PLCL2: variants seen among roughly 807,000 people sequenced by gnomAD.
The protein encoded by PLCL2 is inactive phospholipase C-like protein 2.
PLCL2 carries 4 observed loss-of-function variants against 79.6 expected under a neutral mutation model. The ratio of observed to expected loss-of-function variants is 0.05; its 90% CI spans 0.02 to 0.11. The LOEUF (loss-of-function observed/expected upper bound fraction) is 0.11. Ranked by LOEUF, PLCL2 falls within the 10% of genes least tolerant of loss-of-function variation. The pLI is 1.00. For missense variants in PLCL2, 895 were observed against 1,291.0 expected (o/e 0.69, Z 4.70); for synonymous variants, 484 against 457.7 (o/e 1.06, Z -0.73).
chr3:17,082,185 C>T lies in PLCL2; in HGVS notation c.3205-7548C>T, dbSNP rs180974311. On this transcript the variant is annotated intron_variant, in intron 5 of 5. Transcript: ENST00000615277. ...TGAGACAGAGTTTTGTTCTTGTTGC[C>T]CCGGCTGGAGTGCAATGGTGTGGTC... 5.3e-4 allele frequency among the ~76,000 whole-genome samples: 66 copies of T among 125,412 alleles called. 1 individual carries two copies. The highest frequency in any genetic ancestry group is 2.0e-3 in the Admixed American group (23 of 11,724). The allele number at this position is 125,412 out of a possible 152,430, so 82.3% of individuals were successfully genotyped here.
At chr3:16,930,642 A>C (rs1038449396) in intron 1 of PLCL2, among the ~76,000 whole-genome samples, 1 of 152,190 alleles carries the variant, frequency 6.6e-6, no homozygotes, top group Non-Finnish European at 1.5e-5. Flanking sequence ...AGTAGTAAAC[A>C]AGTGATACTT....
intron 1 of PLCL2, among the ~76,000 whole-genome samples, chr3:16,943,372 G>A (rs2063569766): frequency 6.6e-6 from 1 of 152,196 alleles, no homozygotes; most frequent in Admixed American, 6.5e-5. Context: ...CACCTAACAG[G>A]AATTACCCCA....
chr3:16,912,943 A>G (rs1696916280), intron 1 of PLCL2, among the ~76,000 whole-genome samples: 1 of 152,204 alleles, frequency 6.6e-6, no homozygotes, highest in African/African-American at 2.4e-5. Context: ...TGTCTCCAAC[A>G]CATGCTTAGA....
At chr3:17,025,668 T>G (rs1326150825) in intron 3 of PLCL2, among the ~76,000 whole-genome samples, 1 of 152,204 alleles carries the variant, frequency 6.6e-6, no homozygotes, top group Non-Finnish European at 1.5e-5. Context: ...TCTGACCCTT[T>G]TTTCTGTCTG....
intron 2 of PLCL2, among the ~76,000 whole-genome samples, chr3:17,012,378 T>C (rs1412632724): frequency 6.6e-6 from 1 of 152,178 alleles, no homozygotes; most frequent in Non-Finnish European, 1.5e-5. Context: ...GATAAGTGAG[T>C]CTCGTTGCTG....
intron 1 of PLCL2, among the ~76,000 whole-genome samples, chr3:16,975,044 G>A (rs1483749035): frequency 4.6e-5 from 7 of 152,172 alleles, no homozygotes; most frequent in Admixed American, 2.6e-4. Flanking sequence ...AGAGGAAAGG[G>A]TGCTTACTTC....
intron 1 of PLCL2, among the ~76,000 whole-genome samples, chr3:16,907,378 G>C (rs1696775832): frequency 6.6e-6 from 1 of 152,176 alleles, no homozygotes; most frequent in Non-Finnish European, 1.5e-5. Context: ...TGATTTGTGT[G>C]CACAGATAAC....
At chr3:17,008,738 C>A (rs1036443378) in intron 1 of PLCL2, among the ~76,000 whole-genome samples, 1 of 152,164 alleles carries the variant, frequency 6.6e-6, no homozygotes, top group Admixed American at 6.5e-5. Flanking sequence ...CACTTAGCTC[C>A]TCTGTCACCT....
At chr3:16,946,739 C>T (rs981554394) in intron 1 of PLCL2, among the ~76,000 whole-genome samples, 1 of 151,820 alleles carries the variant, frequency 6.6e-6, no homozygotes, top group Non-Finnish European at 1.5e-5. Flanking sequence ...GTCTTCTTTC[C>T]TTTGATTCCA....
intron 1 of PLCL2, among the ~76,000 whole-genome samples, chr3:16,962,988 A>T (rs902982805): frequency 6.6e-6 from 1 of 152,128 alleles, no homozygotes; most frequent in African/African-American, 2.4e-5. Context: ...GATTAAATAA[A>T]AATAGCTTCT....
intron 1 of PLCL2, among the ~76,000 whole-genome samples, chr3:16,999,020 TC>T (rs200022334): frequency 0.01 from 1,527 of 152,348 alleles, 30 homozygotes; most frequent in African/African-American, 0.035. Context: ...GGTCATTTGA[TC>T]ATTTTTTAGA....
intron 4 of PLCL2, among the ~76,000 whole-genome samples, chr3:17,054,644 C>T (rs149458095): frequency 8.5e-4 from 129 of 152,202 alleles, no homozygotes; most frequent in African/African-American, 3.0e-3. Context: ...TTACTATATA[C>T]TACCAAGGGG....
chr3:16,923,901 T>A (rs1435803883), intron 1 of PLCL2, among the ~76,000 whole-genome samples: 2 of 152,142 alleles, frequency 1.3e-5, no homozygotes, highest in Admixed American at 6.5e-5. Context: ...CTAGTGAAAT[T>A]TTCTTTTAAG....
rs920325283 is a variant in PLCL2 at position 16,887,258 on chromosome 3, A to G, written c.327+1892A>G. ...ATATTTTGTCATTTTTCTTCTTTGT[A>G]AAGAAAGCATTTGGCTTCTTGTTCA... On this transcript the variant is annotated intron_variant, in intron 1 of 5. Coordinates refer to ENST00000615277, the MANE Select transcript of PLCL2 (RefSeq NM_001144382.2). The surrounding 1 kb of genome is among the most constrained non-coding windows in gnomAD (Gnocchi z 4.1). 2.0e-5 allele frequency among the ~76,000 whole-genome samples: 3 copies of G among 152,214 alleles called. No homozygotes were observed. Among genetic ancestry groups the G allele is most frequent in the Non-Finnish European group, 4.4e-5 (3 of 68,030 alleles).
At chr3:16,966,649 C>CTTT (rs201838745) in intron 1 of PLCL2, among the ~76,000 whole-genome samples, 92 of 151,104 alleles carry the variant, frequency 6.1e-4, no homozygotes, top group African/African-American at 2.1e-3. Flanking sequence ...TGGTCCTGGA[C>CTTT]TTTTTTTTTG....
chr3:17,053,771 CCA>C (rs1202194436), intron 4 of PLCL2, among the ~76,000 whole-genome samples: 1 of 152,132 alleles, frequency 6.6e-6, no homozygotes, highest in Non-Finnish European at 1.5e-5. Context: ...GGAGCAGTGT[CCA>C]GGGGCTGTAC....
intron 1 of PLCL2, among the ~76,000 whole-genome samples, chr3:16,911,975 A>C (rs1418843059): frequency 6.6e-6 from 1 of 152,224 alleles, no homozygotes; most frequent in Non-Finnish European, 1.5e-5. Flanking sequence ...GATGTATATG[A>C]AACATAAATG....
intron 1 of PLCL2, among the ~76,000 whole-genome samples, chr3:16,986,134 A>G (rs1330600379): frequency 6.6e-6 from 1 of 151,566 alleles, no homozygotes; most frequent in African/African-American, 2.4e-5. Flanking sequence ...CCAACTGAGG[A>G]AAAAAAATGA....
chr3:16,969,935 T>G (rs1046998083), intron 1 of PLCL2, among the ~76,000 whole-genome samples: 15 of 151,864 alleles, frequency 9.9e-5, no homozygotes, highest in Admixed American at 9.2e-4. Flanking sequence ...CAAGAATTTC[T>G]TGATTACTGC....
Sources: gnomAD v4.1 joint callset for allele counts (sites outside exome capture counted in the v4.1 genomes callset) on GRCh38, gnomAD v4.1.1 for gene constraint, Gnocchi (gnomAD v3.1) non-coding constraint, MANE v1.5 for transcripts, NCBI Gene and HGNC (gene_info 2026-07-23, HGNC 2026-07-21) for gene names.